Variants in ABCC3 observed in about 807,000 individuals in gnomAD.
ABCC3 encodes ATP-binding cassette sub-family C member 3.
In ABCC3, 121 loss-of-function variants were observed where a neutral mutation model predicts 165.3. The ratio of observed to expected loss-of-function variants is 0.73; its 90% confidence interval spans 0.63 to 0.85. The LOEUF is 0.85. Among genes scored for constraint, ABCC3 ranks in the 40% least tolerant of loss-of-function variants. The pLI is 0.00. For synonymous variants in ABCC3, 733 were observed against 810.1 expected, an observed-to-expected ratio of 0.90 and a Z score of 1.62; for missense variants, 1,869 against 1,964.1, an observed-to-expected ratio of 0.95 and a Z score of 0.92.
chr17:50,684,995 GT>G, intron 29 of ABCC3, 120 bp downstream of exon 29: 1 of 1,137,426 alleles, frequency 8.8e-7, no homozygotes, highest in Non-Finnish European at 1.2e-6. Context: ...GCACAGGGCT[GT>G]CCTTTCGTAT....
At chr17:50,683,107 G>T (rs1433533357) in intron 26 of ABCC3, among the ~76,000 whole-genome samples, 1 of 152,068 alleles carries the variant, frequency 6.6e-6, no homozygotes, top group Non-Finnish European at 1.5e-5. Flanking sequence ...TAATCAGGAG[G>T]CTGAGGCAGG....
intron 17 of ABCC3, among the ~76,000 whole-genome samples, chr17:50,670,435 T>G (rs1967623730): frequency 6.6e-6 from 1 of 152,146 alleles, no homozygotes; most frequent in Non-Finnish European, 1.5e-5. Flanking sequence ...GAGCTCATCA[T>G]GTATCTGTTC....
At chr17:50,644,441 G>T (rs1394193098) in intron 1 of ABCC3, among the ~76,000 whole-genome samples, 2 of 152,004 alleles carry the variant, frequency 1.3e-5, no homozygotes, top group Non-Finnish European at 2.9e-5. Flanking sequence ...GCCAGGCATG[G>T]TGGCTCACCC....
rs1968126038 is a variant in ABCC3, at chr17:50,691,629, C to T, written c.*429C>T. The T allele has an allele frequency of 5.1e-6, 1 of 195,842 alleles. No individual in the cohort carries two copies. Among genetic ancestry groups the T allele is most frequent in the African/African-American group, 2.3e-5 (1 of 42,924 alleles). 12.1% of individuals were successfully genotyped at this position (195,842 alleles called of 1,614,324 possible). ...TCAGGCCACCCCTAGGAACTCAGTCCTGTACTCTGGGGTGCTGCCTGAATC... is the reference window on the plus strand; with the variant it reads ...TCAGGCCACCCCTAGGAACTCAGTCTTGTACTCTGGGGTGCTGCCTGAATC... On this transcript the variant is annotated 3_prime_UTR_variant, in exon 31 of 31. Coordinates refer to ENST00000285238, the MANE Select transcript of ABCC3 (RefSeq NM_003786.4).
At chr17:50,690,080 A>G (rs943845136) in intron 30 of ABCC3, among the ~76,000 whole-genome samples, 2 of 152,190 alleles carry the variant, frequency 1.3e-5, no homozygotes, top group African/African-American at 4.8e-5. Flanking sequence ...AGAATGAGTA[A>G]GAGTTGGAGG....
Position 50,667,909 on chromosome 17 carries a change from A to C in ABCC3, c.1682A>C (p.Asn561Thr). ...LWVYVYVDPN[N>T]VLDAEKAFVS... is the part of the protein sequence containing the mutation. ...GTGTACGTGTACGTGGACCCAAACA[A>C]TGTGCTGGACGCCGAGAAGGCCTTT... is the stretch of plus-strand genomic sequence containing the variant. Residue 561 changes from asparagine to threonine, a missense_variant, in exon 13 of 31, where the codon AAT becomes ACT. Coordinates refer to ENST00000285238, the MANE Select transcript of ABCC3 (RefSeq NM_003786.4). 1.2e-6 allele frequency: 2 copies of C among 1,614,016 alleles called. No individual in the cohort carries two copies. Among genetic ancestry groups the C allele is most frequent in the Non-Finnish European group, 1.7e-6 (2 of 1,179,948 alleles).
chr17:50,653,918 C>T (rs1469531479), intron 1 of ABCC3, among the ~76,000 whole-genome samples: 1 of 152,146 alleles, frequency 6.6e-6, no homozygotes, highest in Non-Finnish European at 1.5e-5. Flanking sequence ...TTGCAGTCTG[C>T]GATTGGCTGA....
At chr17:50,688,644 T>C (rs561407971) in intron 30 of ABCC3, among the ~76,000 whole-genome samples, 28 of 152,222 alleles carry the variant, frequency 1.8e-4, no homozygotes, top group East Asian at 7.7e-4. Flanking sequence ...CTCAGCACTT[T>C]GGGAGGCCAA....
At chr17:50,687,255 AGGAT>A in intron 29 of ABCC3, 3 of 444,594 alleles carry the variant, frequency 6.7e-6, no homozygotes, top group Admixed American at 3.5e-5. Context: ...CTGAAAAGCA[AGGAT>A]GGGGAAGAAA....
intron 11 of ABCC3, among the ~76,000 whole-genome samples, chr17:50,666,957 C>T (rs1967538326): frequency 6.6e-6 from 1 of 152,048 alleles, no homozygotes; most frequent in African/African-American, 2.4e-5. Flanking sequence ...TGGTGGCTCA[C>T]ACCTGTAATC....
In ABCC3 at chr17:50,669,247, A is replaced by G. The variant is rs1967591218; in HGVS notation, c.2045A>G (p.Glu682Gly). Residue 682 changes from glutamate to glycine, a missense_variant, in exon 16 of 31, where the codon GAA becomes GGA. By Grantham distance (98) the Glu-to-Gly change is moderately conservative. Transcript: ENST00000285238. ...SALLGEMEKL[E>G]GKVHMKGSVA... The stretch of plus-strand genomic sequence containing the variant: ...CTGCTGGGAGAGATGGAGAAGCTAG[A>G]AGGCAAAGTGCACATGAAGGTGAGA... 3 of 1,613,868 alleles carry G rather than the reference A, an allele frequency of 1.9e-6. No homozygotes were observed. In the Admixed American group the frequency reaches 5.0e-5, roughly 27 times the overall value.
chr17:50,653,343 TC>T (rs1967150714), intron 1 of ABCC3, among the ~76,000 whole-genome samples: 2 of 68,892 alleles, frequency 2.9e-5, no homozygotes, highest in South Asian at 4.0e-4. Flanking sequence ...CGAGACTGTC[TC>T]AAAAAAAAAA....
At chr17:50,657,407 T>C (rs1245195833) in intron 4 of ABCC3, among the ~76,000 whole-genome samples, 2 of 152,230 alleles carry the variant, frequency 1.3e-5, no homozygotes, top group Admixed American at 6.5e-5. Context: ...TGGACCATCA[T>C]GTGAGGGTAG....
intron 19 of ABCC3, 139 bp downstream of exon 19, chr17:50,673,797 C>A: frequency 1.2e-6 from 1 of 802,628 alleles, no homozygotes; most frequent in Non-Finnish European, 2.0e-6. Context: ...TGACAGTCAC[C>A]AGAGGTAAAG....
At chr17:50,645,491 G>A (rs1363339444) in intron 1 of ABCC3, among the ~76,000 whole-genome samples, 1 of 151,614 alleles carries the variant, frequency 6.6e-6, no homozygotes, top group African/African-American at 2.4e-5. Context: ...GAATGCCATA[G>A]TAAAATGTTT....
intron 1 of ABCC3, chr17:50,643,475 C>T (rs1966927875): frequency 2.2e-6 from 1 of 451,550 alleles, no homozygotes; most frequent in South Asian, 1.6e-5. Flanking sequence ...TGAAATGCCC[C>T]CAGGCAGCAT....
At position 50,678,110 on chromosome 17, in the gene ABCC3, T is replaced by C. The variant is rs767210200; in HGVS notation, c.3596T>C (p.Val1199Ala). The stretch of plus-strand genomic sequence containing the variant: ...CCCCATAGGTGGCTGAGCATCGGAG[T>C]GGAGTTCGTGGGGAACTGCGTGGTG... ...IISNRWLSIGVEFVGNCVVLF... is the reference protein window; with the variant it reads ...IISNRWLSIGAEFVGNCVVLF... Residue 1199 changes from valine to alanine, a missense_variant, in exon 25 of 31, where the codon GTG (valine) becomes GCG (alanine). Coordinates refer to ENST00000285238, the MANE Select transcript of ABCC3 (RefSeq NM_003786.4). 3.1e-6 allele frequency: 5 copies of C among 1,596,272 alleles called. No individual in the cohort carries two copies. The African/African-American group carries it at 6.7e-5, about 21-fold the overall frequency.
At position 50,664,120 on chromosome 17, in the gene ABCC3, C is replaced by G; in HGVS notation, c.1338+9C>G. ...TCTACTTCCTCTGGCAGGTGACTCT[C>G]CAACCCTGACCTCTGCCTCCTTCCT... On this transcript the variant is annotated intron_variant, in intron 10 of 30. Coordinates refer to ENST00000285238, the MANE Select transcript of ABCC3 (RefSeq NM_003786.4). 1 of 1,613,522 alleles carries G rather than the reference C, an allele frequency of 6.2e-7. No homozygotes were observed. The highest frequency in any genetic ancestry group is 8.5e-7 in the Non-Finnish European group (1 of 1,179,512).
chr17:50,673,883 C>A (rs1367601371), intron 19 of ABCC3, among the ~76,000 whole-genome samples: 3 of 148,986 alleles, frequency 2.0e-5, no homozygotes, highest in African/African-American at 7.4e-5. Context: ...GATCCTCCGC[C>A]CCGGTCTCAG....
Sources: allele counts gnomAD v4.1 joint callset (sites outside exome capture counted in the v4.1 genomes callset), GRCh38; gene constraint gnomAD v4.1.1; transcripts MANE v1.5; gene names NCBI Gene and HGNC (gene_info 2026-07-23, HGNC 2026-07-21).